FSIP1: variants seen among roughly 807,000 people sequenced by gnomAD.
The protein encoded by FSIP1 is fibrous sheath-interacting protein 1.
In FSIP1, 65 loss-of-function variants were observed where a neutral mutation model predicts 60.9. The observed-to-expected ratio is 1.07, with a 90% CI of 0.87 to 1.31. FSIP1 has a LOEUF of 1.31. FSIP1 is among the 40% of genes most tolerant of loss of function. The pLI is 0.00. For missense variants in FSIP1, 675 were observed against 665.5 expected, an observed-to-expected ratio of 1.01 and a Z score of -0.16; for synonymous variants, 209 against 221.2, an observed-to-expected ratio of 0.94 and a Z score of 0.49.
chr15:39,702,982 CTTTTT>C (rs67911946), intron 10 of FSIP1, among the ~76,000 whole-genome samples: 1 of 133,978 alleles, frequency 7.5e-6, no homozygotes, highest in African/African-American at 2.8e-5. Context: ...TCATAATTGT[CTTTTT>C]TTTTTTTTTT....
intron 9 of FSIP1, among the ~76,000 whole-genome samples, chr15:39,719,855 G>A (rs1376311972): frequency 6.6e-6 from 1 of 152,214 alleles, no homozygotes; most frequent in South Asian, 2.1e-4. Flanking sequence ...ACAGTAATCT[G>A]TAAAATGGAG....
intron 10 of FSIP1, among the ~76,000 whole-genome samples, chr15:39,655,546 A>G (rs1211572753): frequency 6.6e-6 from 1 of 152,200 alleles, no homozygotes; most frequent in Non-Finnish European, 1.5e-5. Context: ...TTGAATGCCC[A>G]CTACAAAGTT....
chr15:39,660,556 C>T (rs1893257627), intron 10 of FSIP1, among the ~76,000 whole-genome samples: 1 of 152,120 alleles, frequency 6.6e-6, no homozygotes, highest in African/African-American at 2.4e-5. Context: ...AACATTAATG[C>T]ACTTTCTAGC....
chr15:39,687,826 C>T (rs1323646025), intron 10 of FSIP1, among the ~76,000 whole-genome samples: 1 of 152,216 alleles, frequency 6.6e-6, no homozygotes, highest in Non-Finnish European at 1.5e-5. Flanking sequence ...CTCTACCTAA[C>T]ACAGGAGTTC....
At position 39,658,635 on chromosome 15, in the gene FSIP1, CTAAGA is replaced by C. The variant is rs200690698; in HGVS notation, c.1189-40395_1189-40391del. Among the ~76,000 whole-genome samples the C allele has an allele frequency of 9.0e-3, 1,368 of 152,274 alleles. 19 individuals carry two copies. Among genetic ancestry groups the C allele is most frequent in the African/African-American group, 0.031 (1,287 of 41,544 alleles). Reference sequence around the variant, plus strand: ...ATAATTACAAAATAAGAATGTTGTACTAAGATAAGATTTTTAAGATAGACATAGCA... The same window carrying C: ...ATAATTACAAAATAAGAATGTTGTACTAAGATTTTTAAGATAGACATAGCA... On this transcript the variant is annotated intron_variant, in intron 10 of 11. Coordinates refer to ENST00000350221, the MANE Select transcript of FSIP1 (RefSeq NM_152597.5).
intron 9 of FSIP1, among the ~76,000 whole-genome samples, chr15:39,720,716 T>C (rs7166437): frequency 0.02 from 3,073 of 152,288 alleles, 107 homozygotes; most frequent in African/African-American, 0.071. Context: ...ATAAGAAGTA[T>C]GGTAACTAAA....
chr15:39,618,983 C>T (rs1181218160), intron 10 of FSIP1, among the ~76,000 whole-genome samples: 2 of 152,080 alleles, frequency 1.3e-5, no homozygotes, highest in African/African-American at 4.8e-5. Context: ...CAGTGTCTTC[C>T]ATGGTTTACA....
chr15:39,670,792 T>C (rs1449364144), intron 10 of FSIP1, among the ~76,000 whole-genome samples: 1 of 152,258 alleles, frequency 6.6e-6, no homozygotes, highest in Non-Finnish European at 1.5e-5. Context: ...TGTTTAGGAA[T>C]GCCACAGAAA....
chr15:39,672,409 C>T (rs1483502294), intron 10 of FSIP1, among the ~76,000 whole-genome samples: 1 of 152,214 alleles, frequency 6.6e-6, no homozygotes, highest in Non-Finnish European at 1.5e-5. Flanking sequence ...ACACTATTGA[C>T]TGTCTCTCCC....
intron 5 of FSIP1, among the ~76,000 whole-genome samples, chr15:39,743,205 C>T (rs1160280972): frequency 6.6e-6 from 1 of 151,972 alleles, no homozygotes; most frequent in Non-Finnish European, 1.5e-5. Context: ...TATGGAAAAC[C>T]CTCACAGGTG....
chr15:39,657,074 ACT>A (rs1893101460), intron 10 of FSIP1, among the ~76,000 whole-genome samples: 1 of 152,136 alleles, frequency 6.6e-6, no homozygotes, highest in African/African-American at 2.4e-5. Context: ...CCTTCCACAA[ACT>A]CTCTGCAATG....
intron 10 of FSIP1, among the ~76,000 whole-genome samples, chr15:39,639,438 G>T (rs1304552733): frequency 6.6e-6 from 1 of 152,156 alleles, no homozygotes; most frequent in Admixed American, 6.5e-5. Context: ...AACAATTTTA[G>T]TTCAAGGCGA....
At chr15:39,752,250 C>T (rs1188332287) in intron 5 of FSIP1, among the ~76,000 whole-genome samples, 3 of 151,802 alleles carry the variant, frequency 2.0e-5, no homozygotes, top group African/African-American at 7.3e-5. Context: ...ATCCTTAGTC[C>T]ATCTTGAGTT....
chr15:39,633,433 GT>G (rs934478792), intron 10 of FSIP1, among the ~76,000 whole-genome samples: 31 of 151,948 alleles, frequency 2.0e-4, no homozygotes, highest in Middle Eastern at 3.4e-3. Context: ...ACTTAATCTA[GT>G]TTTTTTTATT....
At chr15:39,652,826 A>C (rs1030110138) in intron 10 of FSIP1, among the ~76,000 whole-genome samples, 2 of 152,212 alleles carry the variant, frequency 1.3e-5, no homozygotes, top group African/African-American at 4.8e-5. Flanking sequence ...ATTACAACAA[A>C]ATGGTAAATA....
At chr15:39,605,310 T>A (rs1253247241) in intron 11 of FSIP1, among the ~76,000 whole-genome samples, 2 of 152,118 alleles carry the variant, frequency 1.3e-5, no homozygotes, top group African/African-American at 2.4e-5. Context: ...TCTGGATAGG[T>A]CCTTGGACAC....
At chr15:39,777,170 G>A (rs991541746) in intron 1 of FSIP1, among the ~76,000 whole-genome samples, 9 of 151,954 alleles carry the variant, frequency 5.9e-5, no homozygotes, top group Admixed American at 1.3e-4. Context: ...CTGACCTCAG[G>A]TGATCCGCCC....
intron 10 of FSIP1, among the ~76,000 whole-genome samples, chr15:39,639,910 T>C (rs565887611): frequency 6.6e-4 from 100 of 152,166 alleles, no homozygotes; most frequent in Non-Finnish European, 1.2e-3. Context: ...ACAACAAATA[T>C]AGTATTTTAT....
chr15:39,770,868 A>G (rs946249051), intron 2 of FSIP1, among the ~76,000 whole-genome samples: 12 of 152,214 alleles, frequency 7.9e-5, no homozygotes, highest in African/African-American at 2.9e-4. Context: ...CCTGAAGGGA[A>G]CTGCTATCTG....
Sources: gnomAD v4.1 joint callset for allele counts (sites outside exome capture counted in the v4.1 genomes callset) on GRCh38, gnomAD v4.1.1 for gene constraint, MANE v1.5 for transcripts, NCBI Gene and HGNC (gene_info 2026-07-23, HGNC 2026-07-21) for gene names.